Variants in PDGFD observed in about 807,000 individuals in gnomAD.
PDGFD encodes the protein platelet-derived growth factor D.
A neutral mutation model predicts 44.7 loss-of-function variants in PDGFD; 30 were observed. The ratio of observed to expected loss-of-function variants is 0.67; its 90% CI spans 0.50 to 0.91. The LOEUF is 0.91. Among genes scored for constraint, PDGFD ranks in the 40% least tolerant of loss-of-function variants. PDGFD has a pLI of 0.00. For synonymous variants in PDGFD, 173 were observed against 168.4 expected (o/e 1.03, Z -0.21); for missense variants, 445 against 457.8 (o/e 0.97, Z 0.25).
At chr11:104,144,591 C>A (rs1384949870) in intron 1 of PDGFD, among the ~76,000 whole-genome samples, 4 of 148,126 alleles carry the variant, frequency 2.7e-5, no homozygotes, top group African/African-American at 1.0e-4. Flanking sequence ...AGAGAAAAAG[C>A]AAGCAGATTT....
intron 1 of PDGFD, among the ~76,000 whole-genome samples, chr11:104,010,891 A>G (rs942106901): frequency 6.6e-6 from 1 of 152,110 alleles, no homozygotes; most frequent in African/African-American, 2.4e-5. Flanking sequence ...TTTCCATAAT[A>G]CTAACTTAAC....
At chr11:104,077,663 T>C (rs1327382363) in intron 1 of PDGFD, among the ~76,000 whole-genome samples, 2 of 152,172 alleles carry the variant, frequency 1.3e-5, no homozygotes, top group African/African-American at 4.8e-5. Context: ...TATTGTAGCA[T>C]TTTTACTTCT....
chr11:104,074,332 T>C (rs1424366538), intron 1 of PDGFD, among the ~76,000 whole-genome samples: 2 of 152,184 alleles, frequency 1.3e-5, no homozygotes, highest in Non-Finnish European at 2.9e-5. Context: ...CACTTTGAGG[T>C]AGTTTGTTTT....
chr11:104,027,147 C>A (rs1220325660), intron 1 of PDGFD, among the ~76,000 whole-genome samples: 1 of 152,136 alleles, frequency 6.6e-6, no homozygotes, highest in Admixed American at 6.6e-5. Context: ...CAATCATATG[C>A]AATGAAAGGA....
intron 1 of PDGFD, among the ~76,000 whole-genome samples, chr11:104,109,979 C>CTAG (rs1211954103): frequency 6.6e-6 from 1 of 151,996 alleles, no homozygotes; most frequent in African/African-American, 2.4e-5. Context: ...CAGCTCCTAT[C>CTAG]ACATTATCAA....
intron 1 of PDGFD, among the ~76,000 whole-genome samples, chr11:104,004,704 T>C (rs260863): frequency 0.095 from 14,394 of 152,142 alleles, 754 homozygotes; most frequent in African/African-American, 0.12. Context: ...AAACAAAATA[T>C]GCACAACAGC....
At chr11:103,992,485 A>G (rs1859471933) in intron 3 of PDGFD, among the ~76,000 whole-genome samples, 1 of 152,190 alleles carries the variant, frequency 6.6e-6, no homozygotes. Context: ...TCCAATTATT[A>G]CTCCCATTTA....
At chr11:104,137,865 GC>G (rs1346276682) in intron 1 of PDGFD, among the ~76,000 whole-genome samples, 2 of 148,804 alleles carry the variant, frequency 1.3e-5, no homozygotes, top group East Asian at 4.0e-4. Context: ...AGCTGTTTTT[GC>G]AACTTTTGCT....
intron 1 of PDGFD, among the ~76,000 whole-genome samples, chr11:104,017,434 A>C (rs1349502577): frequency 2.6e-5 from 4 of 152,152 alleles, no homozygotes; most frequent in African/African-American, 9.7e-5. Flanking sequence ...TATCCATTGC[A>C]GAATGAGTCA....
At chr11:104,089,460 T>C (rs1461086554) in intron 1 of PDGFD, among the ~76,000 whole-genome samples, 1 of 152,210 alleles carries the variant, frequency 6.6e-6, no homozygotes, top group African/African-American at 2.4e-5. Context: ...ACTGTTGTTT[T>C]TTTTCATGTA....
At chr11:104,116,421 T>C (rs1246477170) in intron 1 of PDGFD, among the ~76,000 whole-genome samples, 1 of 152,076 alleles carries the variant, frequency 6.6e-6, no homozygotes, top group Non-Finnish European at 1.5e-5. Flanking sequence ...CACGCTGTTT[T>C]GGTGACTATG....
At chr11:104,087,955 T>C (rs566614644) in intron 1 of PDGFD, among the ~76,000 whole-genome samples, 1 of 152,244 alleles carries the variant, frequency 6.6e-6, no homozygotes, top group Admixed American at 6.5e-5. Context: ...AAATAAGCCA[T>C]GACCTTTCAC....
At chr11:103,975,532 T>C (rs906110440) in intron 3 of PDGFD, among the ~76,000 whole-genome samples, 1 of 152,214 alleles carries the variant, frequency 6.6e-6, no homozygotes, top group Non-Finnish European at 1.5e-5. Context: ...TTTGTTGCCA[T>C]TGCTTTTGGT....
intron 3 of PDGFD, among the ~76,000 whole-genome samples, chr11:103,994,384 G>A (rs1242657689): frequency 1.3e-5 from 2 of 152,060 alleles, no homozygotes; most frequent in African/African-American, 4.8e-5. Flanking sequence ...GAAACCAAAG[G>A]TTCACACTTC....
intron 1 of PDGFD, among the ~76,000 whole-genome samples, chr11:104,142,434 A>G (rs1862099102): frequency 1.3e-5 from 2 of 152,106 alleles, no homozygotes; most frequent in Non-Finnish European, 2.9e-5. Flanking sequence ...TATGTACAGG[A>G]ATGTGTGTGT....
chr11:104,029,075 CTGAG>C (rs1860088201), intron 1 of PDGFD, among the ~76,000 whole-genome samples: 1 of 152,080 alleles, frequency 6.6e-6, no homozygotes, highest in African/African-American at 2.4e-5. Context: ...ATTTTATGAG[CTGAG>C]TGAGATAGAA....
At chr11:104,101,772 G>T (rs536691352) in intron 1 of PDGFD, among the ~76,000 whole-genome samples, 2 of 151,736 alleles carry the variant, frequency 1.3e-5, no homozygotes, top group African/African-American at 4.9e-5. Context: ...AAATAATGCC[G>T]CATATCTACA....
chr11:103,927,397 T>G (rs1249194696), intron 5 of PDGFD, among the ~76,000 whole-genome samples: 1 of 152,186 alleles, frequency 6.6e-6, no homozygotes, highest in Admixed American at 6.5e-5. Flanking sequence ...CCTTGCATCT[T>G]TTTTATGCAA....
At chr11:104,081,559 T>C (rs1861045979) in intron 1 of PDGFD, among the ~76,000 whole-genome samples, 1 of 152,184 alleles carries the variant, frequency 6.6e-6, no homozygotes, top group Non-Finnish European at 1.5e-5. Context: ...ATCAACTGTC[T>C]TCATCAAACT....
Sources: allele counts gnomAD v4.1 joint callset (sites outside exome capture counted in the v4.1 genomes callset), GRCh38; gene constraint gnomAD v4.1.1; transcripts MANE v1.5; gene names NCBI Gene and HGNC (gene_info 2026-07-23, HGNC 2026-07-21).